CENPV: variants seen among roughly 807,000 people sequenced by gnomAD.
The protein encoded by CENPV is nuclear protein p30.
CENPV carries 15 observed loss-of-function variants against 26.4 expected under a neutral mutation model. The observed-to-expected ratio is 0.57, with a 90% CI of 0.38 to 0.88. CENPV has a LOEUF of 0.88. CENPV is among the 40% of genes least tolerant of loss of function. CENPV has a pLI of 0.00. For synonymous variants in CENPV, 172 were observed against 165.5 expected, an observed-to-expected ratio of 1.04 and a Z score of -0.30; for missense variants, 336 against 376.5, an observed-to-expected ratio of 0.89 and a Z score of 0.89.
At chr17:16,350,490 C>G (rs2093224332) in intron 1 of CENPV, 1 of 153,846 alleles carries the variant, frequency 6.5e-6, no homozygotes, top group Non-Finnish European at 1.4e-5. Flanking sequence ...ATTACAGGCG[C>G]CTGCCACCGC....
Position 16,342,918 on chromosome 17 carries a change from C to T in CENPV, c.718G>A (p.Glu240Lys). The stretch of plus-strand genomic sequence containing the variant: ...GTGACCATACTCCGCACAGTGCCCT[C>T]ATCCAGGCAGTGGGGGGCAATTCCT... ...GFGIAPHCLD[E>K]GTVRSMVTEE... The change falls in exon 5 of 5, where the codon GAG (glutamate) becomes AAG (lysine). Residue 240 changes from glutamate (E) to lysine (K), a missense_variant. By Grantham distance (56) the Glu-to-Lys change is moderately conservative. Coordinates refer to ENST00000299736, the MANE Select transcript of CENPV (RefSeq NM_181716.3). 1 of 1,614,208 alleles carries T rather than the reference C, an allele frequency of 6.2e-7. No individual in the cohort carries two copies. The highest frequency in any genetic ancestry group is 8.5e-7 in the Non-Finnish European group (1 of 1,180,032).
intron 3 of CENPV, among the ~76,000 whole-genome samples, chr17:16,346,776 C>A (rs527743689): frequency 1.3e-5 from 2 of 151,448 alleles, no homozygotes; most frequent in African/African-American, 4.8e-5. Flanking sequence ...AGGTATAAAA[C>A]AACGTACGTG....
Position 16,348,701 on chromosome 17 carries a change from G to A in CENPV, c.510-16C>T, listed in dbSNP as rs1489777977. The stretch of plus-strand genomic sequence containing the variant: ...AATGCTGCAACTACAGAAAGACAGA[G>A]CAAATTCCAGATTGTGAGCAGCCAC... On this transcript the variant is annotated splice_polypyrimidine_tract_variant and intron_variant, in intron 2 of 4. Coordinates refer to ENST00000299736, the MANE Select transcript of CENPV (RefSeq NM_181716.3). 2.5e-6 allele frequency: 4 copies of A among 1,613,482 alleles called. No individual in the cohort carries two copies. Among genetic ancestry groups the A allele is most frequent in the Non-Finnish European group, 3.4e-6 (4 of 1,179,666 alleles).
chr17:16,351,885 G>A (rs2093230467), intron 1 of CENPV: 1 of 152,012 alleles, frequency 6.6e-6, no homozygotes, highest in Non-Finnish European at 1.5e-5. Flanking sequence ...TATTCCTTCT[G>A]CCCAGAGGCA....
At chr17:16,343,987 G>A (rs1026287107) in intron 4 of CENPV, among the ~76,000 whole-genome samples, 4 of 152,240 alleles carry the variant, frequency 2.6e-5, no homozygotes, top group Admixed American at 2.6e-4. Context: ...CCTGAAGCGG[G>A]GCTTGGAGGG....
intron 1 of CENPV, 101 bp downstream of exon 1, chr17:16,352,926 C>A (rs3095172): frequency 0.96 from 1,320,764 of 1,379,490 alleles, 636,738 homozygotes; most frequent in Non-Finnish European, 0.98. Context: ...AGGCTCAGAG[C>A]TGAAAGGCGC....
intron 4 of CENPV, among the ~76,000 whole-genome samples, chr17:16,343,982 A>C (rs1265895032): frequency 6.6e-6 from 1 of 152,162 alleles, no homozygotes; most frequent in East Asian, 1.9e-4. Context: ...CAGGCCCTGA[A>C]GCGGGGCTTG....
At chr17:16,345,074 A>G (rs2093199945) in intron 3 of CENPV, among the ~76,000 whole-genome samples, 1 of 151,988 alleles carries the variant, frequency 6.6e-6, no homozygotes, top group Non-Finnish European at 1.5e-5. Context: ...CCTGGCCCCA[A>G]AGACATTTAT....
At chr17:16,346,194 T>A (rs2093205742) in intron 3 of CENPV, among the ~76,000 whole-genome samples, 1 of 152,194 alleles carries the variant, frequency 6.6e-6, no homozygotes, top group African/African-American at 2.4e-5. Context: ...ACCAAAATTT[T>A]AAAGTGTACA....
chr17:16,351,336 C>A (rs566618096), intron 1 of CENPV: 4 of 152,162 alleles, frequency 2.6e-5, no homozygotes, highest in Non-Finnish European at 4.4e-5. Context: ...GATTGAACAC[C>A]CTTACCCGAT....
chr17:16,352,385 G>T (rs1314256166), intron 1 of CENPV, among the ~76,000 whole-genome samples: 1 of 152,194 alleles, frequency 6.6e-6, no homozygotes, highest in African/African-American at 2.4e-5. Context: ...AGCATTAGCT[G>T]GCTGAGCACA....
chr17:16,342,669 G>T lies in CENPV; in HGVS notation c.*148C>A. 1 of 837,180 alleles carries T rather than the reference G, an allele frequency of 1.2e-6. No homozygotes were observed. Among genetic ancestry groups the T allele is most frequent in the Non-Finnish European group, 1.9e-6 (1 of 538,752 alleles). The allele number at this position is 837,180 out of a possible 1,614,324, so 51.9% of individuals were successfully genotyped here. On this transcript the variant is annotated 3_prime_UTR_variant, in exon 5 of 5. Transcript: ENST00000299736. ...AGCTGCCTAAAGAAACTGGTAGCTG[G>T]AGCAAACTGCAGAGATCAAGATGAC... is the stretch of plus-strand genomic sequence containing the variant.
Position 16,353,126 on chromosome 17 carries a change from G to A in CENPV, c.311C>T (p.Ser104Phe). 6.6e-7 allele frequency: 1 copy of A among 1,524,840 alleles called. No homozygotes were observed. 94.5% of individuals were successfully genotyped at this position (1,524,840 alleles called of 1,614,324 possible). Residue 104 changes from serine (S) to phenylalanine (F), a missense_variant, in exon 1 of 5, where the codon TCC (serine) becomes TTC (phenylalanine). Coordinates refer to ENST00000299736, the MANE Select transcript of CENPV (RefSeq NM_181716.3). ...PTPATPTSSA[S>F]NLDLGEQRER... is the part of the protein sequence containing the mutation. ...CCGCTGCTCGCCCAGGTCCAGGTTG[G>A]ACGCCGAGGACGTCGGGGTCGCGGG...
intron 2 of CENPV, chr17:16,349,216 C>T (rs1293748439): frequency 1.0e-6 from 1 of 988,580 alleles, no homozygotes; most frequent in Non-Finnish European, 1.2e-6. Context: ...AGAATCCTCT[C>T]ACAAGTTATT....
chr17:16,352,731 T>C (rs1248426124), intron 1 of CENPV, among the ~76,000 whole-genome samples: 2 of 152,142 alleles, frequency 1.3e-5, no homozygotes, highest in African/African-American at 2.4e-5. Context: ...CCGAGCACGA[T>C]GCTTATGGCC....
chr17:16,344,541 A>T, intron 4 of CENPV, 56 bp downstream of exon 4: 1 of 993,224 alleles, frequency 1.0e-6, no homozygotes, highest in Non-Finnish European at 1.5e-6. Flanking sequence ...TTTAAATGAG[A>T]GCACCATGGG....
In CENPV at chr17:16,353,193, C is replaced by T; in HGVS notation, c.244G>A (p.Glu82Lys). 1 of 1,372,792 alleles carries T rather than the reference C, an allele frequency of 7.3e-7. No individual in the cohort carries two copies. Among genetic ancestry groups the T allele is most frequent in the East Asian group, 3.0e-5 (1 of 32,970 alleles). 85.0% of individuals were successfully genotyped at this position (1,372,792 alleles called of 1,614,324 possible). Residue 82 changes from glutamate (E) to lysine (K), a missense_variant, in exon 1 of 5, where the codon GAG becomes AAG. Around this residue, in one of 2 missense-constraint regions of CENPV, gnomAD observed 181 missense variants for 148.8 expected, o/e 1.22. Coordinates refer to ENST00000299736, the MANE Select transcript of CENPV (RefSeq NM_181716.3). ...GGCGGTGGCGGGAGCAACGCCAGCT[C>T]AGGCGGCGGCGGCTCCCCCGGGCCC... ...EEGPGEPPPP[E>K]LALLPPPPPP...
At position 16,342,730 on chromosome 17, in the gene CENPV, A is replaced by G. The variant is rs1600896765; in HGVS notation, c.*87T>C. 6.5e-7 allele frequency: 1 copy of G among 1,545,816 alleles called. No homozygotes were observed. Among genetic ancestry groups the G allele is most frequent in the Non-Finnish European group, 8.9e-7 (1 of 1,123,716 alleles). On this transcript the variant is annotated 3_prime_UTR_variant, in exon 5 of 5. Coordinates refer to ENST00000299736, the MANE Select transcript of CENPV (RefSeq NM_181716.3). ...GGAACCAGCAGCCCAGGTCAGCCAC[A>G]TTCAGGAGCACCACCGAGGCACGGC... is the stretch of plus-strand genomic sequence containing the variant.
rs771618676 is a variant in CENPV, at chr17:16,353,029, G to C, written c.408C>G (p.Thr136=). 1.3e-6 allele frequency: 2 copies of C among 1,570,626 alleles called. No homozygotes were observed. The highest frequency in any genetic ancestry group is 1.7e-6 in the Non-Finnish European group (2 of 1,160,056). ...GCCCCCCGGCCCGCCGCACTCACAAGGTGTCTAGCAGGAGCTTGGCGGCAC... is the reference window on the plus strand; with the variant it reads ...GCCCCCCGGCCCGCCGCACTCACAACGTGTCTAGCAGGAGCTTGGCGGCAC... ...SEGAAKLLLD[T]FEYQGLVKHT... The change falls in exon 1 of 5, where the codon ACC becomes ACG. Residue 136 remains threonine, a splice_region_variant and synonymous_variant. Transcript: ENST00000299736.
Sources: gnomAD v4.1 joint callset for allele counts (sites outside exome capture counted in the v4.1 genomes callset) on GRCh38, gnomAD v4.1.1 for gene constraint, gnomAD v4.1.1 regional missense constraint, MANE v1.5 for transcripts, NCBI Gene and HGNC (gene_info 2026-07-23, HGNC 2026-07-21) for gene names.